CCDC102B: variants seen among roughly 807,000 people sequenced by gnomAD.
CCDC102B encodes the protein coiled-coil domain-containing protein 102B.
CCDC102B carries 75 observed loss-of-function variants against 57.4 expected under a neutral mutation model. The ratio of observed to expected loss-of-function variants is 1.31; its 90% CI spans 1.08 to 1.58. The LOEUF is 1.58. Ranked by LOEUF, CCDC102B falls within the 40% of genes most tolerant of loss-of-function variation. The pLI, the probability that CCDC102B is intolerant of heterozygous loss-of-function variation, is 0.00. For synonymous variants in CCDC102B, 206 were observed against 201.9 expected, an observed-to-expected ratio of 1.02 and a Z score of -0.17; for missense variants, 636 against 582.6, an observed-to-expected ratio of 1.09 and a Z score of -0.94.
intron 6 of CCDC102B, among the ~76,000 whole-genome samples, chr18:68,908,922 T>C (rs7230790): frequency 2.0e-5 from 3 of 151,698 alleles, no homozygotes. Context: ...GTGGCTCTTC[T>C]TGTACTGATC....
chr18:68,933,433 C>A (rs1159668322), intron 6 of CCDC102B, among the ~76,000 whole-genome samples: 1 of 151,722 alleles, frequency 6.6e-6, no homozygotes, highest in Non-Finnish European at 1.5e-5. Flanking sequence ...AATAATGGTT[C>A]TTTGTGATTT....
chr18:68,731,138 C>T (rs977744466), intron 2 of CCDC102B, among the ~76,000 whole-genome samples: 1 of 152,094 alleles, frequency 6.6e-6, no homozygotes, highest in Admixed American at 6.5e-5. Context: ...AGACATGCGC[C>T]ACCACCCCGG....
chr18:68,982,453 T>C (rs955018487), intron 6 of CCDC102B, among the ~76,000 whole-genome samples: 2 of 151,982 alleles, frequency 1.3e-5, no homozygotes, highest in Non-Finnish European at 2.9e-5. Flanking sequence ...TTTTAAAGAT[T>C]ATATGCACAT....
chr18:68,932,245 T>C (rs933808882), intron 6 of CCDC102B, among the ~76,000 whole-genome samples: 1 of 151,916 alleles, frequency 6.6e-6, no homozygotes, highest in Non-Finnish European at 1.5e-5. Context: ...CTTCCTTTTT[T>C]ACTCCACTAT....
At chr18:68,816,715 C>T (rs991027237) in intron 1 of CCDC102B, among the ~76,000 whole-genome samples, 2 of 152,126 alleles carry the variant, frequency 1.3e-5, no homozygotes, top group Admixed American at 6.5e-5. Context: ...CCGCCCGCCT[C>T]GGCGTCTCAA....
intron 4 of CCDC102B, among the ~76,000 whole-genome samples, chr18:68,862,786 T>C (rs1160884969): frequency 1.3e-5 from 2 of 152,054 alleles, no homozygotes; most frequent in Admixed American, 1.3e-4. Flanking sequence ...AGTTTACTTT[T>C]TAAAAGGTTT....
At chr18:68,799,156 T>C (rs1198556547) in intron 1 of CCDC102B, among the ~76,000 whole-genome samples, 1 of 152,134 alleles carries the variant, frequency 6.6e-6, no homozygotes, top group Non-Finnish European at 1.5e-5. Flanking sequence ...AATATTTTTA[T>C]ATATCCAGTA....
intron 1 of CCDC102B, among the ~76,000 whole-genome samples, chr18:68,825,036 A>G (rs2036852097): frequency 6.6e-6 from 1 of 152,190 alleles, no homozygotes; most frequent in African/African-American, 2.4e-5. Context: ...TTTCTCTTTT[A>G]TCTTTCTCTC....
chr18:68,867,351 C>T (rs1207163276), intron 4 of CCDC102B, among the ~76,000 whole-genome samples: 1 of 152,136 alleles, frequency 6.6e-6, no homozygotes, highest in Admixed American at 6.5e-5. Context: ...CCACAGCTTG[C>T]CTACTCTGGG....
intron 3 of CCDC102B, 119 bp from the exon 4 acceptor site, chr18:68,846,190 CTCAT>C: frequency 2.2e-6 from 1 of 455,880 alleles, no homozygotes; most frequent in Non-Finnish European, 3.8e-6. Flanking sequence ...AATGTTTTCT[CTCAT>C]TAAGATGATC....
rs1203046361 is a variant in CCDC102B at position 68,956,550 on chromosome 18, A to ATATATATCGC, written c.1264-54384_1264-54383insTATATATCGC. On this transcript the variant is annotated intron_variant, in intron 6 of 7. Coordinates refer to ENST00000360242, the MANE Select transcript of CCDC102B (RefSeq NM_024781.3). The stretch of plus-strand genomic sequence containing the variant: ...ATATATTATATATTTTATATATATA[A>ATATATATCGC]ATATTATATATATTATATATTTTAT... Among the ~76,000 whole-genome samples the ATATATATCGC allele has an allele frequency of 1.3e-3, 2 of 1,592 alleles. 1 individual carries two copies. Among genetic ancestry groups the ATATATATCGC allele is most frequent in the African/African-American group, 2.9e-3 (2 of 698 alleles). The allele number at this position is 1,592 out of a possible 152,430, so 1.0% of individuals were successfully genotyped here.
chr18:68,771,835 T>TA (rs1185842256), intron 2 of CCDC102B, among the ~76,000 whole-genome samples: 1 of 149,360 alleles, frequency 6.7e-6, no homozygotes, highest in East Asian at 2.0e-4. Flanking sequence ...AAGAGAGACT[T>TA]ACATTTATGT....
chr18:68,979,322 C>T (rs10503136), intron 6 of CCDC102B, among the ~76,000 whole-genome samples: 4,075 of 151,996 alleles, frequency 0.027, 119 homozygotes, highest in East Asian at 0.12. Context: ...TATGTATTGA[C>T]TTAAAAGTAC....
intron 7 of CCDC102B, among the ~76,000 whole-genome samples, chr18:69,012,650 CT>C (rs1349782677): frequency 4.0e-5 from 6 of 151,858 alleles, no homozygotes; most frequent in Non-Finnish European, 7.4e-5. Flanking sequence ...ACATATACAT[CT>C]TTTCTGTCAT....
At chr18:68,989,540 A>G (rs1367959697) in intron 6 of CCDC102B, among the ~76,000 whole-genome samples, 1 of 152,198 alleles carries the variant, frequency 6.6e-6, no homozygotes, top group Admixed American at 6.5e-5. Flanking sequence ...GATGTTAACA[A>G]TGGTCCAGTA....
intron 4 of CCDC102B, among the ~76,000 whole-genome samples, chr18:68,854,206 T>A (rs899389608): frequency 5.9e-5 from 9 of 151,946 alleles, no homozygotes; most frequent in Non-Finnish European, 1.3e-4. Flanking sequence ...GTTCAAGTGA[T>A]TTTCCTGCCT....
intron 2 of CCDC102B, among the ~76,000 whole-genome samples, chr18:68,718,914 T>C (rs986971388): frequency 3.3e-5 from 5 of 152,192 alleles, no homozygotes; most frequent in African/African-American, 7.2e-5. Context: ...CTTTAAAGAA[T>C]GATGGAAGAA....
intron 2 of CCDC102B, among the ~76,000 whole-genome samples, chr18:68,744,884 G>C (rs1156950935): frequency 6.6e-6 from 1 of 152,144 alleles, no homozygotes; most frequent in Non-Finnish European, 1.5e-5. Flanking sequence ...CTATCCAAAG[G>C]GGTAGTAGTT....
At chr18:68,790,848 C>T (rs562964796) in intron 2 of CCDC102B, among the ~76,000 whole-genome samples, 1 of 152,304 alleles carries the variant, frequency 6.6e-6, no homozygotes, top group Non-Finnish European at 1.5e-5. Flanking sequence ...CATCTTGGCT[C>T]CTCCCTGTTT....
Sources: gnomAD v4.1 joint callset for allele counts (sites outside exome capture counted in the v4.1 genomes callset) on GRCh38, gnomAD v4.1.1 for gene constraint, MANE v1.5 for transcripts, NCBI Gene and HGNC (gene_info 2026-07-23, HGNC 2026-07-21) for gene names.